Variants in ADGRL2 observed in about 807,000 individuals in gnomAD.
The protein encoded by ADGRL2 is calcium-independent alpha-latrotoxin receptor 2.
In ADGRL2, 44 loss-of-function variants were observed where a neutral mutation model predicts 157.4. That is an observed-to-expected ratio of 0.28 (90% CI 0.22 to 0.36). The LOEUF is 0.36. Ranked by LOEUF, ADGRL2 falls within the 10% of genes least tolerant of loss-of-function variation. The probability of loss-of-function intolerance (pLI) is 1.00; values close to 1 mark genes in which losing one functional copy is unlikely to be tolerated. For synonymous variants in ADGRL2, 585 were observed against 624.7 expected (o/e 0.94, Z 0.95); for missense variants, 1,510 against 1,768.9 (o/e 0.85, Z 2.63).
At chr1:81,394,003 T>G (rs1224249274) in intron 1 of ADGRL2, among the ~76,000 whole-genome samples, 1 of 152,100 alleles carries the variant, frequency 6.6e-6, no homozygotes, top group African/African-American at 2.4e-5. Flanking sequence ...TTTTCACTTC[T>G]TTCTAGACTT....
chr1:81,693,631 A>T (rs1400986476), intron 3 of ADGRL2, among the ~76,000 whole-genome samples: 1 of 152,214 alleles, frequency 6.6e-6, no homozygotes, highest in Admixed American at 6.5e-5. Context: ...GAGGTAGTTC[A>T]GCATGACACT....
chr1:81,408,860 G>A (rs1368415885), intron 1 of ADGRL2, among the ~76,000 whole-genome samples: 1 of 152,192 alleles, frequency 6.6e-6, no homozygotes, highest in Non-Finnish European at 1.5e-5. Flanking sequence ...TAGTTTACAT[G>A]GGAGGGGCCA....
rs780103372 is a variant in ADGRL2, at chr1:81,966,071, C to T, written c.2031C>T (p.Ala677=). Residue 677 remains alanine, a synonymous_variant, in exon 12 of 24, where the codon GCC becomes GCT. Coordinates refer to ENST00000686636, the MANE Select transcript of ADGRL2 (RefSeq NM_001366006.2). ...MPTENIVLEV[A]VLSTEGQIQD... Reference sequence around the variant, plus strand: ...TCCCTCATCCAGTCCTGGAAGTTGCCGTACTCAGTACAGAAGGACAGATCC... The same window carrying T: ...TCCCTCATCCAGTCCTGGAAGTTGCTGTACTCAGTACAGAAGGACAGATCC... 2.0e-5 allele frequency: 32 copies of T among 1,613,730 alleles called. No homozygotes were observed. The African/African-American group carries it at 2.8e-4, about 14-fold the overall frequency.
At chr1:81,965,852 A>G (rs1656888777) in intron 11 of ADGRL2, among the ~76,000 whole-genome samples, 1 of 152,218 alleles carries the variant, frequency 6.6e-6, no homozygotes, top group Non-Finnish European at 1.5e-5. Flanking sequence ...GACAATACAA[A>G]ATTTTTTTGA....
intron 3 of ADGRL2, among the ~76,000 whole-genome samples, chr1:81,608,416 C>G (rs1557502401): frequency 6.7e-6 from 1 of 150,272 alleles, no homozygotes; most frequent in South Asian, 2.1e-4. Context: ...ATGTCCATAT[C>G]TGTTATACTT....
chr1:81,974,679 T>G (rs1263999668), intron 17 of ADGRL2, among the ~76,000 whole-genome samples: 1 of 152,158 alleles, frequency 6.6e-6, no homozygotes, highest in Non-Finnish European at 1.5e-5. Context: ...AGCTGTGGAA[T>G]GAATTTTAAG....
chr1:81,345,334 G>A (rs1419356838), intron 1 of ADGRL2, among the ~76,000 whole-genome samples: 3 of 152,150 alleles, frequency 2.0e-5, no homozygotes, highest in Admixed American at 6.6e-5. Context: ...GCTTATCCAA[G>A]GTGATACATT....
At chr1:81,484,448 T>C (rs375829388) in intron 2 of ADGRL2, among the ~76,000 whole-genome samples, 12 of 152,294 alleles carry the variant, frequency 7.9e-5, no homozygotes, top group African/African-American at 2.9e-4. Flanking sequence ...CTGGGTCAGA[T>C]AGCAGACTTG....
chr1:81,798,664 G>C (rs868202038), upstream of ADGRL2, among the ~76,000 whole-genome samples: 21 of 152,256 alleles, frequency 1.4e-4, no homozygotes, highest in Middle Eastern at 3.4e-3. Context: ...AGAATACAGT[G>C]AAGAGTGATT....
intron 1 of ADGRL2, among the ~76,000 whole-genome samples, chr1:81,362,049 A>G (rs1316027161): frequency 6.6e-6 from 1 of 151,890 alleles, no homozygotes. Context: ...CAACTTTAAT[A>G]GACACTATTC....
At chr1:81,470,807 TAGTG>T (rs1482865024) in intron 2 of ADGRL2, among the ~76,000 whole-genome samples, 22 of 152,318 alleles carry the variant, frequency 1.4e-4, no homozygotes, top group South Asian at 4.1e-4. Flanking sequence ...AGTTGTCACA[TAGTG>T]AGCTTAAAAT....
intron 3 of ADGRL2, among the ~76,000 whole-genome samples, chr1:81,644,474 G>C (rs1442922675): frequency 6.6e-6 from 1 of 152,110 alleles, no homozygotes; most frequent in Non-Finnish European, 1.5e-5. Flanking sequence ...AGATGTATCA[G>C]ATAAAGAACT....
intron 16 of ADGRL2, among the ~76,000 whole-genome samples, chr1:81,970,914 C>T (rs1317493883): frequency 1.3e-5 from 2 of 152,164 alleles, no homozygotes; most frequent in African/African-American, 4.8e-5. Context: ...TGCAGCTGAC[C>T]CTCTATAGCT....
chr1:81,309,796 C>T (rs1297979654), intron 1 of ADGRL2, among the ~76,000 whole-genome samples: 1 of 152,064 alleles, frequency 6.6e-6, no homozygotes, highest in East Asian at 1.9e-4. Context: ...GCCACCACTC[C>T]CCACCTTGTT....
intron 1 of ADGRL2, among the ~76,000 whole-genome samples, chr1:81,747,002 G>A (rs1039239375): frequency 2.2e-5 from 3 of 133,614 alleles, no homozygotes; most frequent in South Asian, 2.4e-4. Context: ...GTATATACGT[G>A]TATACACACG....
chr1:81,991,278 T>A lies in ADGRL2; in HGVS notation c.*133T>A. The A allele has an allele frequency of 1.3e-6, 1 of 778,282 alleles. No homozygotes were observed. Among genetic ancestry groups the A allele is most frequent in the Middle Eastern group, 2.5e-4 (1 of 4,044 alleles). 48.2% of individuals were successfully genotyped at this position (778,282 alleles called of 1,614,324 possible). A position where few individuals can be genotyped will look rare whatever the true frequency, so the allele number is the denominator to read the frequency against. The stretch of plus-strand genomic sequence containing the variant: ...CTGTGGTTCTCTGGTGTAAAAAAGA[T>A]GACTGAACCTTGCAGTTCTGTGAAT... On this transcript the variant is annotated 3_prime_UTR_variant, in exon 24 of 24. Transcript: ENST00000686636.
chr1:81,688,033 T>C (rs2083264330), intron 3 of ADGRL2, among the ~76,000 whole-genome samples: 2 of 152,198 alleles, frequency 1.3e-5, no homozygotes, highest in South Asian at 4.1e-4. Flanking sequence ...TCTGCTGAGA[T>C]ATCTGCTGTT....
intron 3 of ADGRL2, among the ~76,000 whole-genome samples, chr1:81,667,546 C>G (rs1368905958): frequency 6.6e-6 from 1 of 152,188 alleles, no homozygotes; most frequent in Non-Finnish European, 1.5e-5. Context: ...ACAATTCCTC[C>G]TTATCACCTC....
At chr1:81,635,468 A>G (rs1484277092) in intron 3 of ADGRL2, among the ~76,000 whole-genome samples, 1 of 152,226 alleles carries the variant, frequency 6.6e-6, no homozygotes. Flanking sequence ...ACAAAATGCC[A>G]GAAACTAGTA....
Sources: gnomAD v4.1 joint callset for allele counts (sites outside exome capture counted in the v4.1 genomes callset) on GRCh38, gnomAD v4.1.1 for gene constraint, MANE v1.5 for transcripts, NCBI Gene and HGNC (gene_info 2026-07-23, HGNC 2026-07-21) for gene names.